The following RBFOX1 variants were observed in gnomAD, a reference collection of about 807,000 sequenced individuals.
The protein encoded by RBFOX1 is RNA binding fox-1 homolog 1.
Under a neutral mutation model 57.7 loss-of-function variants are expected in RBFOX1, and 8 were observed. The observed-to-expected ratio is 0.14, with a 90% CI of 0.08 to 0.25. The LOEUF (loss-of-function observed/expected upper bound fraction) is 0.25, where lower values mean the gene tolerates loss of function less well. RBFOX1 is among the 10% of genes least tolerant of loss of function. RBFOX1 has a pLI of 1.00. For synonymous variants in RBFOX1, 326 were observed against 222.4 expected (o/e 1.47, Z -4.15); for missense variants, 611 against 548.5 (o/e 1.11, Z -1.14).
At chr16:6,253,007 TTATAA>T (rs2097632153) in intron 1 of RBFOX1, among the ~76,000 whole-genome samples, 2 of 152,300 alleles carry the variant, frequency 1.3e-5, no homozygotes, top group Admixed American at 1.3e-4. Context: ...GTAGGAACTA[TTATAA>T]TCCACTTTTA....
chr16:6,120,364 C>T (rs905353659), intron 1 of RBFOX1, among the ~76,000 whole-genome samples: 3 of 152,208 alleles, frequency 2.0e-5, no homozygotes, highest in Non-Finnish European at 2.9e-5. Flanking sequence ...CTGTTTCCCA[C>T]AGCAGCCACC....
chr16:6,093,255 A>G (rs74004731), intron 1 of RBFOX1, among the ~76,000 whole-genome samples: 3,894 of 152,250 alleles, frequency 0.026, 153 homozygotes, highest in African/African-American at 0.087. Context: ...ACATGTTATT[A>G]TTCAATAAAG....
chr16:6,803,441 GA>G (rs1200036836), intron 3 of RBFOX1, among the ~76,000 whole-genome samples: 1 of 152,084 alleles, frequency 6.6e-6, no homozygotes, highest in Non-Finnish European at 1.5e-5. Context: ...TCTGGCCTTG[GA>G]AAAACAAACA....
chr16:6,513,829 G>T (rs755549958), intron 2 of RBFOX1, among the ~76,000 whole-genome samples: 3 of 152,182 alleles, frequency 2.0e-5, no homozygotes, highest in African/African-American at 4.8e-5. Context: ...CAGTTCAAGC[G>T]AGAGGGTGGA....
intron 4 of RBFOX1, among the ~76,000 whole-genome samples, chr16:7,157,723 C>T (rs1355725237): frequency 1.3e-5 from 2 of 152,272 alleles, no homozygotes; most frequent in South Asian, 2.1e-4. Context: ...ATTTTGTGGT[C>T]ACTGCAGCTC....
chr16:5,488,979 G>A (rs1397439482), intron 2 of RBFOX1, among the ~76,000 whole-genome samples: 1 of 152,200 alleles, frequency 6.6e-6, no homozygotes, highest in African/African-American at 2.4e-5. Context: ...TTTAGTCTTT[G>A]CAAGTGTTCT....
At chr16:6,981,008 ACTC>A (rs1322758464) in intron 3 of RBFOX1, among the ~76,000 whole-genome samples, 3 of 124,186 alleles carry the variant, frequency 2.4e-5, no homozygotes, top group African/African-American at 9.5e-5. Flanking sequence ...ACGCCACTGC[ACTC>A]CAGCCTGGGT....
At chr16:6,965,871 G>A (rs915498290) in intron 3 of RBFOX1, among the ~76,000 whole-genome samples, 1 of 152,122 alleles carries the variant, frequency 6.6e-6, no homozygotes, top group African/African-American at 2.4e-5. Flanking sequence ...TGAGGCATGG[G>A]GGGATTAAGT....
chr16:6,492,668 T>C (rs2095659926), intron 2 of RBFOX1, among the ~76,000 whole-genome samples: 1 of 152,148 alleles, frequency 6.6e-6, no homozygotes, highest in South Asian at 2.1e-4. Flanking sequence ...TTTGTGAAGA[T>C]GCAGCTTGGT....
intron 3 of RBFOX1, among the ~76,000 whole-genome samples, chr16:6,739,091 A>G (rs569025634): frequency 6.6e-6 from 1 of 152,260 alleles, no homozygotes; most frequent in Non-Finnish European, 1.5e-5. Context: ...TAGGGAAAGA[A>G]GAGCTAAATA....
At chr16:6,400,366 GAT>G (rs2093018820) in intron 2 of RBFOX1, among the ~76,000 whole-genome samples, 2 of 152,152 alleles carry the variant, frequency 1.3e-5, no homozygotes, top group African/African-American at 4.8e-5. Flanking sequence ...CATTAATGCA[GAT>G]ATCACAAGAG....
At chr16:5,899,449 A>G (rs1326906659) in intron 4 of RBFOX1, among the ~76,000 whole-genome samples, 1 of 152,128 alleles carries the variant, frequency 6.6e-6, no homozygotes, top group African/African-American at 2.4e-5. Flanking sequence ...TTAAAAGGAA[A>G]TTAATGAAGA....
chr16:6,232,430 A>G (rs1464009901), intron 1 of RBFOX1, among the ~76,000 whole-genome samples: 1 of 152,088 alleles, frequency 6.6e-6, no homozygotes, highest in Non-Finnish European at 1.5e-5. Flanking sequence ...ATGTTTCAGC[A>G]TTTTTTTCCT....
At chr16:6,590,301 A>T (rs1475355855) in intron 2 of RBFOX1, among the ~76,000 whole-genome samples, 1 of 152,206 alleles carries the variant, frequency 6.6e-6, no homozygotes, top group Non-Finnish European at 1.5e-5. Flanking sequence ...GAAAGTCCTT[A>T]GCCAAATGGC....
chr16:5,702,685 T>A (rs2051095240), intron 3 of RBFOX1, among the ~76,000 whole-genome samples: 1 of 152,242 alleles, frequency 6.6e-6, no homozygotes, highest in Non-Finnish European at 1.5e-5. Context: ...GAGTATCAAT[T>A]GACCCATCTG....
intron 3 of RBFOX1, among the ~76,000 whole-genome samples, chr16:6,842,890 C>G (rs1050231839): frequency 5.3e-5 from 8 of 152,016 alleles, no homozygotes; most frequent in African/African-American, 1.9e-4. Context: ...TCTCATTGTT[C>G]AACTCCGACT....
In RBFOX1 at chr16:5,662,571, G is replaced by A. The variant is rs190750767; in HGVS notation, c.318+63610G>A. On this transcript the variant is annotated intron_variant, in intron 3 of 19. Coordinates refer to the RBFOX1 transcript ENST00000641259. ...TCTGGGGACCTGGACCACACTTTGA[G>A]AATTACTGACCTGGAGTTACCCCCT... Among the ~76,000 whole-genome samples the A allele has an allele frequency of 1.0e-3, 154 of 152,262 alleles. 1 individual carries two copies. Among genetic ancestry groups the A allele is most frequent in the African/African-American group, 3.5e-3 (144 of 41,566 alleles).
intron 2 of RBFOX1, among the ~76,000 whole-genome samples, chr16:6,402,282 A>G (rs1306567454): frequency 6.6e-6 from 1 of 152,064 alleles, no homozygotes; most frequent in Non-Finnish European, 1.5e-5. Flanking sequence ...TAAACTTCGG[A>G]AGCTTCCTAT....
intron 4 of RBFOX1, among the ~76,000 whole-genome samples, chr16:7,411,618 GT>G (rs1377728956): frequency 6.6e-5 from 10 of 152,176 alleles, no homozygotes; most frequent in Non-Finnish European, 1.5e-5. Context: ...GACGGGGAAT[GT>G]CAGGCCAGGC....
Sources: gnomAD v4.1 joint callset for allele counts (sites outside exome capture counted in the v4.1 genomes callset) on GRCh38, gnomAD v4.1.1 for gene constraint, MANE v1.5 for transcripts, NCBI Gene and HGNC (gene_info 2026-07-23, HGNC 2026-07-21) for gene names.